The following CORO2A variants were observed in gnomAD, a reference collection of about 807,000 sequenced individuals.
The protein encoded by CORO2A is coronin 2A.
A neutral mutation model predicts 62.4 loss-of-function variants in CORO2A; 47 were observed. The ratio of observed to expected loss-of-function variants is 0.75; its 90% CI spans 0.60 to 0.96. The LOEUF (loss-of-function observed/expected upper bound fraction) is 0.96, where lower values mean the gene tolerates loss of function less well. CORO2A is among the 40% of genes least tolerant of loss of function. CORO2A has a pLI of 0.00. For synonymous variants in CORO2A, 273 were observed against 268.9 expected (o/e 1.02, Z -0.15); for missense variants, 610 against 684.1 (o/e 0.89, Z 1.21).
In CORO2A at chr9:98,124,645, GGA is replaced by G. The variant is rs1457031246; in HGVS notation, c.*127_*128del. The G allele has an allele frequency of 1.1e-6, 1 of 947,612 alleles. No individual in the cohort carries two copies. The highest frequency in any genetic ancestry group is 3.7e-5 in the Admixed American group (1 of 26,820). 58.7% of individuals were successfully genotyped at this position (947,612 alleles called of 1,614,324 possible). On this transcript the variant is annotated 3_prime_UTR_variant, in exon 12 of 12. Transcript: ENST00000375077. ...TCCCACTGGAATCTCTTTCAGCGAT[GGA>G]GAGTTTTGTTTTCTGGTAAAAAATA...
At chr9:98,132,699 A>G (rs1166629732) in intron 5 of CORO2A, among the ~76,000 whole-genome samples, 1 of 152,228 alleles carries the variant, frequency 6.6e-6, no homozygotes, top group East Asian at 1.9e-4. Context: ...CGCTTGCCCA[A>G]GGCTGCACAG....
intron 11 of CORO2A, among the ~76,000 whole-genome samples, chr9:98,125,765 T>C (rs1827308156): frequency 7.1e-6 from 1 of 140,286 alleles, no homozygotes; most frequent in African/African-American, 2.7e-5. Context: ...TTGCCCAGGC[T>C]GGAGCGCAGT....
chr9:98,181,807 G>C (rs1828181092), intron 1 of CORO2A, among the ~76,000 whole-genome samples: 1 of 151,964 alleles, frequency 6.6e-6, no homozygotes, highest in Non-Finnish European at 1.5e-5. Context: ...GCAGGCCATG[G>C]CTCCCCTCAC....
chr9:98,136,805 TGGTG>T (rs1827491340), intron 3 of CORO2A, among the ~76,000 whole-genome samples: 1 of 152,216 alleles, frequency 6.6e-6, no homozygotes, highest in African/African-American at 2.4e-5. Flanking sequence ...TCACAATAAA[TGGTG>T]ACAATGACTT....
intron 11 of CORO2A, 69 bp from the exon 12 acceptor site, chr9:98,124,974 T>C (rs1020269063): frequency 6.5e-7 from 1 of 1,527,930 alleles, no homozygotes; most frequent in Non-Finnish European, 8.8e-7. Flanking sequence ...TAAACCACTA[T>C]CCCTCTTTGA....
intron 2 of CORO2A, among the ~76,000 whole-genome samples, chr9:98,142,790 C>T (rs368518206): frequency 6.6e-6 from 1 of 151,776 alleles, no homozygotes. Flanking sequence ...GAAGGCTGCC[C>T]ACTCACACCC....
chr9:98,163,741 T>TGAGAGAGAGAGAGAGAGA (rs565063006), intron 1 of CORO2A, among the ~76,000 whole-genome samples: 2 of 139,544 alleles, frequency 1.4e-5, no homozygotes, highest in African/African-American at 5.6e-5. Context: ...TGTGTGTGTG[T>TGAGAGAGAGAGAGAGAGA]GAGAGAGAGA....
At chr9:98,137,023 T>C (rs1286245048) in intron 3 of CORO2A, among the ~76,000 whole-genome samples, 1 of 152,098 alleles carries the variant, frequency 6.6e-6, no homozygotes, top group Non-Finnish European at 1.5e-5. Flanking sequence ...TACCACCATA[T>C]TTTAGAAGTG....
At chr9:98,173,084 C>A (rs1336377960) in intron 1 of CORO2A, among the ~76,000 whole-genome samples, 1 of 152,176 alleles carries the variant, frequency 6.6e-6, no homozygotes, top group Non-Finnish European at 1.5e-5. Context: ...GTGGGAGGAT[C>A]GCTTAGGGCC....
intron 11 of CORO2A, 68 bp downstream of exon 11, chr9:98,126,481 C>A: frequency 4.5e-6 from 7 of 1,547,592 alleles, no homozygotes; most frequent in Non-Finnish European, 6.1e-6. Flanking sequence ...CCCTTCTTCT[C>A]AGCCTGGATC....
chr9:98,161,790 G>C (rs1236263338), intron 1 of CORO2A, among the ~76,000 whole-genome samples: 1 of 152,094 alleles, frequency 6.6e-6, no homozygotes, highest in Non-Finnish European at 1.5e-5. Context: ...TGGCGGGCCT[G>C]GGGTAGTCGC....
chr9:98,171,972 C>T (rs72603683), intron 1 of CORO2A, among the ~76,000 whole-genome samples: 174 of 152,084 alleles, frequency 1.1e-3, no homozygotes, highest in African/African-American at 3.9e-3. Context: ...GATTTCTTTC[C>T]TCAACTTTGG....
chr9:98,183,880 G>C (rs992923342), intron 1 of CORO2A, among the ~76,000 whole-genome samples: 7 of 152,344 alleles, frequency 4.6e-5, no homozygotes, highest in African/African-American at 1.7e-4. Flanking sequence ...AGAATCACTT[G>C]AACCCGGGAG....
intron 2 of CORO2A, among the ~76,000 whole-genome samples, chr9:98,151,603 A>G (rs1308493921): frequency 2.0e-5 from 3 of 152,194 alleles, no homozygotes; most frequent in African/African-American, 7.2e-5. Context: ...ACAATTATAT[A>G]TGTAAATAAT....
intron 3 of CORO2A, among the ~76,000 whole-genome samples, chr9:98,136,499 C>T (rs765356751): frequency 6.6e-6 from 1 of 152,268 alleles, no homozygotes; most frequent in Non-Finnish European, 1.5e-5. Context: ...GCTAAACTAG[C>T]AGCTTAGCTG....
intron 2 of CORO2A, among the ~76,000 whole-genome samples, chr9:98,152,122 T>C (rs1223556810): frequency 8.0e-6 from 1 of 125,250 alleles, no homozygotes; most frequent in East Asian, 3.3e-4. Flanking sequence ...CGGCCTCTTT[T>C]GCTGTTTTTT....
chr9:98,127,007 T>G, intron 10 of CORO2A, 184 bp from the exon 11 acceptor site: 1 of 645,076 alleles, frequency 1.6e-6, no homozygotes, highest in Non-Finnish European at 2.7e-6. Context: ...CAGATACAAA[T>G]ACCCACGTGT....
At chr9:98,165,729 C>A (rs1166773309) in intron 1 of CORO2A, among the ~76,000 whole-genome samples, 15 of 152,186 alleles carry the variant, frequency 9.9e-5, no homozygotes, top group Non-Finnish European at 2.2e-4. Flanking sequence ...GTGATTCCAG[C>A]GCATGTTAGG....
intron 7 of CORO2A, among the ~76,000 whole-genome samples, chr9:98,130,129 C>T (rs182666961): frequency 6.6e-6 from 1 of 152,268 alleles, no homozygotes; most frequent in Admixed American, 6.5e-5. Context: ...CTTTATTGCC[C>T]AGGCTGGAGA....
Sources: allele counts gnomAD v4.1 joint callset (sites outside exome capture counted in the v4.1 genomes callset), GRCh38; gene constraint gnomAD v4.1.1; transcripts MANE v1.5; gene names NCBI Gene and HGNC (gene_info 2026-07-23, HGNC 2026-07-21).